FERMT2: variants seen among roughly 807,000 people sequenced by gnomAD.
FERMT2 encodes fermitin family homolog 2.
In FERMT2, 15 loss-of-function variants were observed where a neutral mutation model predicts 82.7. The ratio of observed to expected loss-of-function variants is 0.18; its 90% CI spans 0.12 to 0.28. The LOEUF is 0.28. FERMT2 is among the 10% of genes least tolerant of loss of function. The pLI, the probability that FERMT2 is intolerant of heterozygous loss-of-function variation, is 1.00. For missense variants in FERMT2, 645 were observed against 809.4 expected (o/e 0.80, Z 2.46); for synonymous variants, 274 against 271.5 (o/e 1.01, Z -0.09).
At chr14:52,929,395 A>G (rs1419249478) in intron 2 of FERMT2, among the ~76,000 whole-genome samples, 3 of 152,162 alleles carry the variant, frequency 2.0e-5, no homozygotes, top group African/African-American at 7.2e-5. Flanking sequence ...CAACAGCCAG[A>G]GTCATCTTTT....
intron 2 of FERMT2, among the ~76,000 whole-genome samples, chr14:52,928,827 G>C (rs1028874608): frequency 6.6e-6 from 1 of 152,136 alleles, no homozygotes; most frequent in Non-Finnish European, 1.5e-5. Flanking sequence ...TTTGTACCCA[G>C]ATGGGCCTCC....
At chr14:52,919,383 C>T (rs1888811762) in intron 2 of FERMT2, 27 bp from the exon 3 acceptor site, 6 of 1,506,370 alleles carry the variant, frequency 4.0e-6, no homozygotes, top group Non-Finnish European at 5.4e-6. Context: ...ATAAACAAAT[C>T]ACTTAAAAAT....
chr14:52,898,713 G>A (rs1887443356), intron 3 of FERMT2, among the ~76,000 whole-genome samples: 1 of 130,826 alleles, frequency 7.6e-6, no homozygotes, highest in African/African-American at 2.6e-5. Flanking sequence ...AACATTAAGT[G>A]GAGGCAGGGT....
At position 52,858,522 on chromosome 14, in the gene FERMT2, C is replaced by T. The variant is rs753838462; in HGVS notation, c.1898G>A (p.Arg633Gln). The T allele has an allele frequency of 5.0e-5, 81 of 1,613,906 alleles. No individual in the cohort carries two copies. The highest frequency in any genetic ancestry group is 5.9e-5 in the Non-Finnish European group (70 of 1,179,954). ...TACTTCAGTACAAATGAAGGACAAT[C>T]GTACTTCATCTGCAAACTCTACGGT... ...MVTVEFADEV[R>Q]LSFICTEVDC... The change falls in exon 15 of 15, where the codon CGA becomes CAA. Residue 633 changes from arginine (R) to glutamine (Q), a missense_variant. Coordinates refer to ENST00000341590, the MANE Select transcript of FERMT2 (RefSeq NM_006832.3).
intron 4 of FERMT2, among the ~76,000 whole-genome samples, chr14:52,884,811 G>A (rs1330803537): frequency 6.6e-6 from 1 of 151,896 alleles, no homozygotes; most frequent in Admixed American, 6.6e-5. Context: ...GACCAGCCTG[G>A]CCAACATGGT....
At chr14:52,910,240 C>T (rs1211146671) in intron 3 of FERMT2, among the ~76,000 whole-genome samples, 2 of 152,154 alleles carry the variant, frequency 1.3e-5, no homozygotes, top group Non-Finnish European at 2.9e-5. Flanking sequence ...TTTTGTGCTT[C>T]TCCATCCCTA....
At chr14:52,947,938 T>G (rs1007601181) in intron 2 of FERMT2, among the ~76,000 whole-genome samples, 2 of 152,214 alleles carry the variant, frequency 1.3e-5, no homozygotes, top group African/African-American at 4.8e-5. Flanking sequence ...CCTTAAAATA[T>G]AATGCTTTTG....
rs375692725 is a variant in FERMT2 at position 52,911,068 on chromosome 14, AT to A, written c.391+8054del. 2.5e-4 allele frequency among the ~76,000 whole-genome samples: 38 copies of A among 152,348 alleles called. No individual in the cohort carries two copies. The East Asian group carries it at 3.5e-3, about 14-fold the overall frequency. On this transcript the variant is annotated intron_variant, in intron 3 of 14. Coordinates refer to ENST00000341590, the MANE Select transcript of FERMT2 (RefSeq NM_006832.3). ...GTTTCAGTGGTGAAAAAAGAAAAAA[AT>A]AAACCACTAATGTTTCCCATAATGT...
intron 2 of FERMT2, among the ~76,000 whole-genome samples, chr14:52,933,086 C>T (rs1889664529): frequency 1.3e-5 from 2 of 152,046 alleles, no homozygotes; most frequent in South Asian, 4.2e-4. Flanking sequence ...TGCCCCCACC[C>T]CATCCAGCAA....
chr14:52,919,282 T>C lies in FERMT2; in HGVS notation c.232A>G (p.Thr78Ala). The change falls in exon 3 of 15, where the codon ACC (threonine) becomes GCC (alanine). Residue 78 changes from threonine to alanine, a missense_variant. Thr to Ala is a moderately conservative substitution (Grantham distance 58). Coordinates refer to ENST00000341590, the MANE Select transcript of FERMT2 (RefSeq NM_006832.3). ...KRTWLLKTHW[T>A]LDKYGIQADA... Reference sequence around the variant, plus strand: ...GCCTGAATACCATACTTATCTAAGGTCCAATGTGTCTTCAGAAGCCAAGTT... The same window carrying C: ...GCCTGAATACCATACTTATCTAAGGCCCAATGTGTCTTCAGAAGCCAAGTT... 1.2e-6 allele frequency: 2 copies of C among 1,614,070 alleles called. No homozygotes were observed. The highest frequency in any genetic ancestry group is 1.7e-6 in the Non-Finnish European group (2 of 1,179,984).
chr14:52,932,489 A>G (rs547470522), intron 2 of FERMT2, among the ~76,000 whole-genome samples: 26 of 152,338 alleles, frequency 1.7e-4, no homozygotes, highest in Middle Eastern at 3.4e-3. Context: ...AAACTCAAAG[A>G]GGTTATGGTT....
intron 4 of FERMT2, among the ~76,000 whole-genome samples, chr14:52,891,035 G>A (rs1886911128): frequency 6.6e-6 from 1 of 152,082 alleles, no homozygotes. Context: ...ATAATGATTT[G>A]ATAATTTTGT....
chr14:52,910,690 C>T (rs1396167566), intron 3 of FERMT2, among the ~76,000 whole-genome samples: 6 of 152,138 alleles, frequency 3.9e-5, no homozygotes, highest in Admixed American at 2.0e-4. Context: ...AAATAAAAAG[C>T]TTGGAAATGA....
chr14:52,933,810 C>T (rs956275908), intron 2 of FERMT2, among the ~76,000 whole-genome samples: 1 of 150,386 alleles, frequency 6.6e-6, no homozygotes, highest in African/African-American at 2.4e-5. Flanking sequence ...ACAGGTTCCA[C>T]AAATCTGTGC....
intron 13 of FERMT2, chr14:52,860,060 AC>A: frequency 3.2e-6 from 1 of 315,030 alleles, no homozygotes; most frequent in Non-Finnish European, 5.8e-6. Flanking sequence ...CTCGTGATCC[AC>A]CCACCTCGGC....
chr14:52,863,408 A>C (rs1342316459), intron 12 of FERMT2: 1 of 152,134 alleles, frequency 6.6e-6, no homozygotes, highest in Admixed American at 6.5e-5. Flanking sequence ...AGATAAAAAC[A>C]AAATGTTTAT....
At chr14:52,886,735 C>T (rs1038127255) in intron 4 of FERMT2, among the ~76,000 whole-genome samples, 24 of 152,160 alleles carry the variant, frequency 1.6e-4, no homozygotes, top group African/African-American at 5.8e-4. Flanking sequence ...CCCACTTGTG[C>T]ATATAAACAC....
chr14:52,926,936 A>G (rs1889306543), intron 2 of FERMT2, among the ~76,000 whole-genome samples: 1 of 152,216 alleles, frequency 6.6e-6, no homozygotes, highest in Non-Finnish European at 1.5e-5. Flanking sequence ...CATTCTGGAA[A>G]GAATTATTTC....
intron 3 of FERMT2, among the ~76,000 whole-genome samples, chr14:52,906,959 GGA>G (rs1468490270): frequency 1.3e-4 from 15 of 113,158 alleles, no homozygotes; most frequent in Middle Eastern, 4.7e-3. Flanking sequence ...GGGGGGGGGG[GGA>G]ATTTAGAATT....
Sources: allele counts gnomAD v4.1 joint callset (sites outside exome capture counted in the v4.1 genomes callset), GRCh38; gene constraint gnomAD v4.1.1; transcripts MANE v1.5; gene names NCBI Gene and HGNC (gene_info 2026-07-23, HGNC 2026-07-21).